Variants in TACR3 observed in about 807,000 individuals in gnomAD.
The protein encoded by TACR3 is neuromedin-K receptor.
Under a neutral mutation model 35.0 loss-of-function variants are expected in TACR3, and 34 were observed. That is an observed-to-expected ratio of 0.97 (90% CI 0.74 to 1.30). The LOEUF is 1.30. Ranked by LOEUF, TACR3 falls within the 50% of genes most tolerant of loss-of-function variation. The probability of loss-of-function intolerance (pLI) is 0.00; values close to 1 mark genes in which losing one functional copy is unlikely to be tolerated. For synonymous variants in TACR3, 233 were observed against 221.1 expected (o/e 1.05, Z -0.48); for missense variants, 558 against 591.7 (o/e 0.94, Z 0.59).
chr4:103,700,777 T>A (rs1416567958), intron 1 of TACR3, among the ~76,000 whole-genome samples: 1 of 152,176 alleles, frequency 6.6e-6, no homozygotes, highest in African/African-American at 2.4e-5. Flanking sequence ...ATCCAGCGTA[T>A]AAACAGAACC....
At chr4:103,702,241 G>T (rs1404140027) in intron 1 of TACR3, among the ~76,000 whole-genome samples, 2 of 152,068 alleles carry the variant, frequency 1.3e-5, no homozygotes, top group African/African-American at 2.4e-5. Context: ...GTGGGCAAAG[G>T]ATATGAACAC....
At chr4:103,703,131 C>A (rs1206602770) in intron 1 of TACR3, among the ~76,000 whole-genome samples, 1 of 152,002 alleles carries the variant, frequency 6.6e-6, no homozygotes, top group African/African-American at 2.4e-5. Flanking sequence ...ATCAATTTGT[C>A]CTATTTTGGA....
At chr4:103,653,634 T>C (rs955692635) in intron 3 of TACR3, among the ~76,000 whole-genome samples, 9 of 152,046 alleles carry the variant, frequency 5.9e-5, no homozygotes, top group African/African-American at 1.7e-4. Context: ...GACATAGGCA[T>C]GGGCAAGGAC....
In TACR3 at chr4:103,717,118, AG is replaced by A. The variant is rs767946838; in HGVS notation, c.548+2009del. Reference sequence around the variant, plus strand: ...TGTTTGATAAGACACCAATGCAGAAAGATTGGTAAACTATTGGACTGGTAAT... The same window carrying A: ...TGTTTGATAAGACACCAATGCAGAAAATTGGTAAACTATTGGACTGGTAAT... On this transcript the variant is annotated intron_variant, in intron 1 of 4. Coordinates refer to ENST00000304883, the MANE Select transcript of TACR3 (RefSeq NM_001059.3). Among the ~76,000 whole-genome samples, 105 of 152,310 alleles carry A rather than the reference AG, an allele frequency of 6.9e-4. 1 individual carries two copies. The highest frequency in any genetic ancestry group is 2.6e-4 in the Non-Finnish European group (18 of 68,010).
At chr4:103,647,571 T>C (rs865971689) in intron 3 of TACR3, among the ~76,000 whole-genome samples, 33 of 152,078 alleles carry the variant, frequency 2.2e-4, no homozygotes, top group Middle Eastern at 3.4e-3. Context: ...CCAATTATCA[T>C]TGAAAAAAAT....
At chr4:103,651,100 C>A (rs1044267592) in intron 3 of TACR3, among the ~76,000 whole-genome samples, 1 of 146,746 alleles carries the variant, frequency 6.8e-6, no homozygotes. Flanking sequence ...CTACAATGAG[C>A]AGGTGGCGAA....
chr4:103,619,301 T>C (rs1341086248), intron 3 of TACR3, among the ~76,000 whole-genome samples: 3 of 152,130 alleles, frequency 2.0e-5, no homozygotes, highest in Non-Finnish European at 2.9e-5. Flanking sequence ...GCAATTCTCC[T>C]GCCCCAGCCT....
chr4:103,599,515 G>A (rs1279317434), intron 3 of TACR3, among the ~76,000 whole-genome samples: 1 of 152,178 alleles, frequency 6.6e-6, no homozygotes, highest in African/African-American at 2.4e-5. Context: ...GTGAGAGAGG[G>A]CATCCTTGTC....
chr4:103,593,901 G>C (rs1486897231), intron 3 of TACR3, among the ~76,000 whole-genome samples: 1 of 152,050 alleles, frequency 6.6e-6, no homozygotes, highest in Non-Finnish European at 1.5e-5. Flanking sequence ...AGGATTTTCT[G>C]TTTGTTTTGT....
intron 3 of TACR3, among the ~76,000 whole-genome samples, chr4:103,650,708 T>A (rs1725585386): frequency 2.1e-5 from 1 of 47,170 alleles, no homozygotes; most frequent in Admixed American, 3.3e-4. Context: ...TTTATATATA[T>A]AAATATATAT....
At chr4:103,715,640 G>A (rs1318015714) in intron 1 of TACR3, among the ~76,000 whole-genome samples, 1 of 152,056 alleles carries the variant, frequency 6.6e-6, no homozygotes, top group African/African-American at 2.4e-5. Flanking sequence ...TAAATACTCA[G>A]ATCAATACTG....
intron 3 of TACR3, among the ~76,000 whole-genome samples, chr4:103,628,115 G>C (rs1240492740): frequency 6.6e-6 from 1 of 152,036 alleles, no homozygotes; most frequent in Admixed American, 6.6e-5. Context: ...AAGACACAAG[G>C]TACCAGAATC....
intron 3 of TACR3, among the ~76,000 whole-genome samples, chr4:103,607,909 C>T (rs559177906): frequency 5.3e-5 from 8 of 152,126 alleles, no homozygotes; most frequent in East Asian, 1.9e-4. Context: ...GATTGCCAGT[C>T]CTGTAGAATG....
chr4:103,631,103 C>T (rs1725050751), intron 3 of TACR3, among the ~76,000 whole-genome samples: 1 of 152,100 alleles, frequency 6.6e-6, no homozygotes, highest in Non-Finnish European at 1.5e-5. Flanking sequence ...GGCATGTTCT[C>T]ACTCATAGGT....
intron 3 of TACR3, among the ~76,000 whole-genome samples, chr4:103,645,411 A>G (rs1725436586): frequency 6.6e-6 from 1 of 151,946 alleles, no homozygotes; most frequent in Admixed American, 6.6e-5. Flanking sequence ...AAAATGGAAA[A>G]TTACTCCATT....
At chr4:103,691,524 G>A (rs1722400584) in intron 1 of TACR3, among the ~76,000 whole-genome samples, 1 of 152,150 alleles carries the variant, frequency 6.6e-6, no homozygotes, top group Non-Finnish European at 1.5e-5. Context: ...TCCTGGCTGT[G>A]GTGGTTGTTA....
intron 3 of TACR3, among the ~76,000 whole-genome samples, chr4:103,618,938 A>C (rs1724719273): frequency 1.3e-5 from 2 of 152,042 alleles, no homozygotes; most frequent in South Asian, 4.1e-4. Context: ...TTGTACGTTG[A>C]TTTTGTATCC....
intron 4 of TACR3, chr4:103,591,244 TAGA>T (rs1723886821): frequency 3.9e-6 from 2 of 517,566 alleles, no homozygotes; most frequent in Non-Finnish European, 6.9e-6. Context: ...AGTTGGCCCA[TAGA>T]AGAATCATCC....
intron 3 of TACR3, 140 bp downstream of exon 3, chr4:103,656,053 AG>A: frequency 9.4e-7 from 1 of 1,062,542 alleles, no homozygotes; most frequent in Non-Finnish European, 1.4e-6. Flanking sequence ...CCAAAAGAAA[AG>A]AAAAAAAATT....
Sources: allele counts gnomAD v4.1 joint callset (sites outside exome capture counted in the v4.1 genomes callset), GRCh38; gene constraint gnomAD v4.1.1; transcripts MANE v1.5; gene names NCBI Gene and HGNC (gene_info 2026-07-23, HGNC 2026-07-21).